The following GPATCH2 variants were observed in gnomAD, a reference collection of about 807,000 sequenced individuals.
GPATCH2 encodes G-patch domain containing 2.
GPATCH2 carries 51 observed loss-of-function variants against 58.0 expected under a neutral mutation model. The observed-to-expected ratio is 0.88, with a 90% CI of 0.70 to 1.11. The LOEUF is 1.11. Ranked by LOEUF, GPATCH2 falls within the 50% of genes most tolerant of loss-of-function variation. GPATCH2 has a pLI of 0.00. For synonymous variants in GPATCH2, 222 were observed against 218.5 expected, an observed-to-expected ratio of 1.02 and a Z score of -0.14; for missense variants, 625 against 652.2, an observed-to-expected ratio of 0.96 and a Z score of 0.45.
At chr1:217,557,961 G>A (rs928812372) in intron 5 of GPATCH2, among the ~76,000 whole-genome samples, 2 of 152,132 alleles carry the variant, frequency 1.3e-5, no homozygotes, top group Non-Finnish European at 2.9e-5. Context: ...AAACGCTTCT[G>A]AATCATGATC....
intron 5 of GPATCH2, among the ~76,000 whole-genome samples, chr1:217,581,868 T>C (rs1667100162): frequency 6.6e-6 from 1 of 152,126 alleles, no homozygotes; most frequent in South Asian, 2.1e-4. Flanking sequence ...GGAGAATTGC[T>C]TGAACCTGGG....
intron 8 of GPATCH2, among the ~76,000 whole-genome samples, chr1:217,467,974 A>T (rs1194641569): frequency 6.6e-6 from 1 of 152,212 alleles, no homozygotes; most frequent in Non-Finnish European, 1.5e-5. Flanking sequence ...CATCAATTAG[A>T]ATTATAACTA....
At position 217,429,050 on chromosome 1, in the gene GPATCH2, T is replaced by A. The variant is rs41274746; in HGVS notation, c.*2095A>T. On this transcript the variant is annotated 3_prime_UTR_variant, in exon 10 of 10. Transcript: ENST00000366935. Reference sequence around the variant, plus strand: ...TGTTTGCTCTCAGTGGCTTCAAACTTGGCTTTTTGAGATTCTAGGATTTTA... The same window carrying A: ...TGTTTGCTCTCAGTGGCTTCAAACTAGGCTTTTTGAGATTCTAGGATTTTA... 44,218 of 152,008 alleles carry A rather than the reference T, an allele frequency of 0.29. 6,697 individuals carry two copies. The highest frequency in any genetic ancestry group is 0.38 in the Middle Eastern group (112 of 292). The allele number at this position is 152,008 out of a possible 1,614,324, so 9.4% of individuals were successfully genotyped here.
rs149697113 is a variant in GPATCH2, at chr1:217,521,215, C to T, written c.1099-6326G>A. ...CAATGTGCCTAGAGTGAAGAAACAT[C>T]ATTATTCTCAAATAATAGTGAAGAA... is the stretch of plus-strand genomic sequence containing the variant. On this transcript the variant is annotated intron_variant, in intron 5 of 9. Coordinates refer to ENST00000366935, the MANE Select transcript of GPATCH2 (RefSeq NM_018040.5). 4.7e-3 allele frequency among the ~76,000 whole-genome samples: 715 copies of T among 152,274 alleles called. 6 individuals carry two copies. Among genetic ancestry groups the T allele is most frequent in the African/African-American group, 0.016 (677 of 41,536 alleles).
chr1:217,521,506 G>T (rs1663457141), intron 5 of GPATCH2, among the ~76,000 whole-genome samples: 1 of 152,158 alleles, frequency 6.6e-6, no homozygotes, highest in Admixed American at 6.5e-5. Flanking sequence ...CTTCTGGGTA[G>T]CATGCGGGCT....
chr1:217,547,096 G>A (rs1005963637), intron 5 of GPATCH2, among the ~76,000 whole-genome samples: 3 of 152,138 alleles, frequency 2.0e-5, no homozygotes, highest in Non-Finnish European at 2.9e-5. Context: ...AGGCGTGGTG[G>A]CTCACACCTG....
intron 8 of GPATCH2, among the ~76,000 whole-genome samples, chr1:217,475,081 G>A (rs183224666): frequency 3.3e-5 from 5 of 152,114 alleles, no homozygotes; most frequent in East Asian, 1.9e-4. Flanking sequence ...TGAAGGCTTC[G>A]GAGAGAAGAA....
At position 217,428,518 on chromosome 1, in the gene GPATCH2, G is replaced by C. The variant is rs1438366914; in HGVS notation, c.*2627C>G. On this transcript the variant is annotated 3_prime_UTR_variant, in exon 10 of 10. Transcript: ENST00000366935. ...CTCCAATTAAGTTCAGGTACAACCAGAACATCAGGTCTGTACTGAGTTTTC... is the reference window on the plus strand; with the variant it reads ...CTCCAATTAAGTTCAGGTACAACCACAACATCAGGTCTGTACTGAGTTTTC... 4 of 152,178 alleles carry C rather than the reference G, an allele frequency of 2.6e-5. No individual in the cohort carries two copies. The highest frequency in any genetic ancestry group is 4.4e-5 in the Non-Finnish European group (3 of 68,046). The allele number at this position is 152,178 out of a possible 1,614,324, so 9.4% of individuals were successfully genotyped here.
At chr1:217,490,076 C>A (rs910935715) in intron 8 of GPATCH2, among the ~76,000 whole-genome samples, 6 of 152,134 alleles carry the variant, frequency 3.9e-5, no homozygotes, top group Non-Finnish European at 8.8e-5. Context: ...TCGCAAAGGT[C>A]TGTAAATATT....
chr1:217,435,244 C>T (rs977050116), intron 9 of GPATCH2, among the ~76,000 whole-genome samples: 3 of 152,196 alleles, frequency 2.0e-5, no homozygotes, highest in African/African-American at 7.2e-5. Context: ...CAATACATCT[C>T]CTACTAACCT....
At chr1:217,521,473 G>A (rs942144363) in intron 5 of GPATCH2, among the ~76,000 whole-genome samples, 1 of 151,972 alleles carries the variant, frequency 6.6e-6, no homozygotes, top group Non-Finnish European at 1.5e-5. Flanking sequence ...TTCAGCCAAG[G>A]ATACTCTAGA....
At chr1:217,487,191 T>C (rs1661492876) in intron 8 of GPATCH2, among the ~76,000 whole-genome samples, 2 of 152,198 alleles carry the variant, frequency 1.3e-5, no homozygotes, top group South Asian at 4.1e-4. Context: ...CAAGGGCTTC[T>C]TGAAGTTTCC....
chr1:217,448,414 A>G (rs1471368030), intron 9 of GPATCH2, among the ~76,000 whole-genome samples: 1 of 152,088 alleles, frequency 6.6e-6, no homozygotes, highest in African/African-American at 2.4e-5. Flanking sequence ...GCTGCATCAC[A>G]AATCCATTAT....
chr1:217,543,302 C>G (rs967715074), intron 5 of GPATCH2, among the ~76,000 whole-genome samples: 1 of 145,522 alleles, frequency 6.9e-6, no homozygotes, highest in Admixed American at 7.0e-5. Flanking sequence ...CAGAGTCTCG[C>G]TCTGTCGCCC....
intron 1 of GPATCH2, among the ~76,000 whole-genome samples, chr1:217,623,905 A>AAAACAAAAGAAAAAACAAAC (rs1320336916): frequency 6.6e-6 from 1 of 152,104 alleles, no homozygotes; most frequent in Admixed American, 6.6e-5. Flanking sequence ...TCCATCTCAA[A>AAAACAAAAGAAAAAACAAAC]AAACAAAAGA....
At chr1:217,580,220 A>G (rs1401520759) in intron 5 of GPATCH2, among the ~76,000 whole-genome samples, 2 of 152,182 alleles carry the variant, frequency 1.3e-5, no homozygotes, top group Admixed American at 6.5e-5. Context: ...ATACCACACC[A>G]TAAATCTAAA....
chr1:217,492,913 A>G (rs1306586561), intron 7 of GPATCH2, among the ~76,000 whole-genome samples: 1 of 152,214 alleles, frequency 6.6e-6, no homozygotes, highest in Non-Finnish European at 1.5e-5. Context: ...ATGACGAATA[A>G]CTGCTTTGAA....
intron 8 of GPATCH2, among the ~76,000 whole-genome samples, chr1:217,460,416 A>C (rs1440962803): frequency 1.3e-5 from 2 of 152,228 alleles, no homozygotes; most frequent in African/African-American, 2.4e-5. Flanking sequence ...AAAAGATACG[A>C]TGTTCATTTT....
chr1:217,492,119 G>A (rs908422704), intron 7 of GPATCH2, among the ~76,000 whole-genome samples: 5 of 152,066 alleles, frequency 3.3e-5, no homozygotes, highest in African/African-American at 9.7e-5. Flanking sequence ...CAGTAGCCCT[G>A]GTTGAAGTAA....
Sources: gnomAD v4.1 joint callset for allele counts (sites outside exome capture counted in the v4.1 genomes callset) on GRCh38, gnomAD v4.1.1 for gene constraint, MANE v1.5 for transcripts, NCBI Gene and HGNC (gene_info 2026-07-23, HGNC 2026-07-21) for gene names.